The following ZBTB7C variants were observed in gnomAD, a reference collection of about 807,000 sequenced individuals.
ZBTB7C encodes the protein zinc finger and BTB domain-containing protein 7C.
In ZBTB7C, 8 loss-of-function variants were observed where a neutral mutation model predicts 25.7. That is an observed-to-expected ratio of 0.31 (90% CI 0.18 to 0.56). ZBTB7C has a LOEUF of 0.56. Among genes scored for constraint, ZBTB7C ranks in the 20% least tolerant of loss-of-function variants. ZBTB7C has a pLI of 0.91. For synonymous variants in ZBTB7C, 394 were observed against 369.0 expected, an observed-to-expected ratio of 1.07 and a Z score of -0.78; for missense variants, 824 against 855.2, an observed-to-expected ratio of 0.96 and a Z score of 0.46.
intron 3 of ZBTB7C, among the ~76,000 whole-genome samples, chr18:48,068,243 A>C (rs1167062115): frequency 6.8e-6 from 1 of 146,352 alleles, no homozygotes; most frequent in Non-Finnish European, 1.5e-5. Context: ...GGTTCACACC[A>C]TTCTCTTGCC....
chr18:48,259,272 G>A (rs1252385197), intron 2 of ZBTB7C, among the ~76,000 whole-genome samples: 7 of 125,972 alleles, frequency 5.6e-5, no homozygotes, highest in East Asian at 2.9e-4. Flanking sequence ...TTTTTGACAA[G>A]AGTGTAAAAG....
intron 3 of ZBTB7C, among the ~76,000 whole-genome samples, chr18:48,171,087 CTGGACT>C (rs2041461584): frequency 6.6e-6 from 1 of 152,198 alleles, no homozygotes. Flanking sequence ...TCTGCTGGAC[CTGGACT>C]CAGAGACTCC....
chr18:48,037,569 C>T (rs1465604241), intron 4 of ZBTB7C, among the ~76,000 whole-genome samples: 2 of 152,208 alleles, frequency 1.3e-5, no homozygotes, highest in African/African-American at 2.4e-5. Context: ...CCAGACCTGG[C>T]GTGGACCTCA....
chr18:48,035,986 G>A (rs549352856), intron 4 of ZBTB7C, among the ~76,000 whole-genome samples: 2 of 152,380 alleles, frequency 1.3e-5, no homozygotes, highest in African/African-American at 4.8e-5. Flanking sequence ...GGAAAACGGT[G>A]TCTTTGAACT....
chr18:48,051,811 G>A (rs2036698049), intron 3 of ZBTB7C, among the ~76,000 whole-genome samples: 1 of 152,182 alleles, frequency 6.6e-6, no homozygotes, highest in African/African-American at 2.4e-5. Flanking sequence ...GAGTGCCACC[G>A]CAGATGGCTG....
At chr18:48,214,924 C>T (rs753162469) in intron 2 of ZBTB7C, among the ~76,000 whole-genome samples, 28 of 152,222 alleles carry the variant, frequency 1.8e-4, no homozygotes, top group African/African-American at 4.1e-4. Flanking sequence ...TGAGTCTCTG[C>T]TTTCAATTCC....
At chr18:48,229,716 T>G (rs2043199486) in intron 2 of ZBTB7C, among the ~76,000 whole-genome samples, 1 of 152,206 alleles carries the variant, frequency 6.6e-6, no homozygotes, top group South Asian at 2.1e-4. Context: ...ATCAGCTCTG[T>G]TGGCGGGAAT....
chr18:48,279,924 C>T (rs1481467517), intron 2 of ZBTB7C, among the ~76,000 whole-genome samples: 3 of 152,192 alleles, frequency 2.0e-5, no homozygotes, highest in East Asian at 1.9e-4. Context: ...TGAGCAGATG[C>T]GAGTCATTCA....
intron 1 of ZBTB7C, among the ~76,000 whole-genome samples, chr18:48,395,241 C>T (rs1483983975): frequency 6.7e-6 from 1 of 149,004 alleles, no homozygotes; most frequent in African/African-American, 2.5e-5. Flanking sequence ...TCCATGATCT[C>T]GTTTAAGGAG....
At chr18:48,089,113 A>C (rs891866122) in intron 3 of ZBTB7C, among the ~76,000 whole-genome samples, 3 of 152,194 alleles carry the variant, frequency 2.0e-5, no homozygotes, top group African/African-American at 7.2e-5. Context: ...TATTCCAATT[A>C]ATTAGAATAA....
At position 48,367,371 on chromosome 18, in the gene ZBTB7C, T is replaced by TATATATATAA. The variant is rs34753129; in HGVS notation, c.-303-28974_-303-28973insTTATATATAT. On this transcript the variant is annotated intron_variant, in intron 1 of 4. Coordinates refer to ENST00000590800, the MANE Select transcript of ZBTB7C (RefSeq NM_001318841.2). Reference sequence around the variant, plus strand: ...GCATATATATATATATATATATATATAAAATACAAACAGAAGACTCTAAAA... The same window carrying TATATATATAA: ...GCATATATATATATATATATATATATATATATATAAAAAATACAAACAGAAGACTCTAAAA... 9.9e-4 allele frequency among the ~76,000 whole-genome samples: 112 copies of TATATATATAA among 113,402 alleles called. 1 individual carries two copies. Among genetic ancestry groups the TATATATATAA allele is most frequent in the East Asian group, 9.4e-3 (41 of 4,370 alleles). The allele number at this position is 113,402 out of a possible 152,430, so 74.4% of individuals were successfully genotyped here.
chr18:48,330,579 T>C (rs747312346), intron 2 of ZBTB7C, among the ~76,000 whole-genome samples: 21 of 151,894 alleles, frequency 1.4e-4, no homozygotes, highest in African/African-American at 4.1e-4. Flanking sequence ...ATGATGATGA[T>C]GACAAACATT....
intron 2 of ZBTB7C, among the ~76,000 whole-genome samples, chr18:48,313,488 G>T (rs754073348): frequency 2.0e-5 from 3 of 152,180 alleles, no homozygotes; most frequent in Non-Finnish European, 4.4e-5. Flanking sequence ...CAGTCCTGAG[G>T]TTCAGCCTGC....
intron 3 of ZBTB7C, among the ~76,000 whole-genome samples, chr18:48,062,824 A>G (rs1383548880): frequency 6.6e-6 from 1 of 152,234 alleles, no homozygotes; most frequent in Admixed American, 6.5e-5. Flanking sequence ...TGAGGCACAG[A>G]GATGTCAAAG....
intron 3 of ZBTB7C, chr18:48,180,402 C>T (rs776335274): frequency 1.5e-4 from 68 of 455,436 alleles, no homozygotes; most frequent in Middle Eastern, 3.2e-4. Flanking sequence ...TAATCAGGCA[C>T]GCTCATTGAC....
At chr18:48,065,543 T>G (rs1361281536) in intron 3 of ZBTB7C, among the ~76,000 whole-genome samples, 1 of 152,174 alleles carries the variant, frequency 6.6e-6, no homozygotes, top group African/African-American at 2.4e-5. Context: ...TTTTCAGTCA[T>G]GGAATTTGCA....
intron 2 of ZBTB7C, among the ~76,000 whole-genome samples, chr18:48,250,896 T>C (rs781440163): frequency 2.0e-4 from 30 of 152,084 alleles, no homozygotes; most frequent in Non-Finnish European, 3.8e-4. Flanking sequence ...TTTCTTGTGA[T>C]TTGCTTGAAC....
At chr18:48,364,554 G>A (rs1159227839) in intron 1 of ZBTB7C, among the ~76,000 whole-genome samples, 1 of 152,224 alleles carries the variant, frequency 6.6e-6, no homozygotes, top group Non-Finnish European at 1.5e-5. Flanking sequence ...CTGGCATGAA[G>A]AGGCCGTATA....
intron 3 of ZBTB7C, chr18:48,185,184 CCT>C (rs2042026039): frequency 3.0e-6 from 1 of 332,178 alleles, no homozygotes; most frequent in African/African-American, 2.2e-5. Context: ...GGCATCCACC[CCT>C]GTTCCTTCCT....
Sources: gnomAD v4.1 joint callset for allele counts (sites outside exome capture counted in the v4.1 genomes callset) on GRCh38, gnomAD v4.1.1 for gene constraint, MANE v1.5 for transcripts, NCBI Gene and HGNC (gene_info 2026-07-23, HGNC 2026-07-21) for gene names.